RPS6KC1: variants seen among roughly 807,000 people sequenced by gnomAD.
The protein encoded by RPS6KC1 is inactive ribosomal protein S6 kinase delta-1.
In RPS6KC1, 54 loss-of-function variants were observed where a neutral mutation model predicts 103.8. That is an observed-to-expected ratio of 0.52 (90% CI 0.42 to 0.65). The LOEUF is 0.65. Ranked by LOEUF, RPS6KC1 falls within the 30% of genes least tolerant of loss-of-function variation. The pLI is 0.00. For synonymous variants in RPS6KC1, 439 were observed against 438.7 expected, an observed-to-expected ratio of 1.00 and a Z score of -0.01; for missense variants, 1,151 against 1,253.8, an observed-to-expected ratio of 0.92 and a Z score of 1.24.
the RPS6KC1 span, among the ~76,000 whole-genome samples, chr1:213,444,923 G>T: frequency 6.6e-6 from 1 of 152,068 alleles, no homozygotes; most frequent in Non-Finnish European, 1.5e-5. Flanking sequence ...TTTATTCACA[G>T]TTATGCATCC....
chr1:213,127,343 C>A (rs2085097741), intron 5 of RPS6KC1, among the ~76,000 whole-genome samples: 1 of 152,156 alleles, frequency 6.6e-6, no homozygotes, highest in Admixed American at 6.5e-5. Flanking sequence ...CTTATAAAAC[C>A]AATGCTAATT....
At position 213,132,945 on chromosome 1, in the gene RPS6KC1, T is replaced by C. The variant is rs551078101; in HGVS notation, c.835+3056T>C. On this transcript the variant is annotated intron_variant, in intron 6 of 14. Coordinates refer to ENST00000366960, the MANE Select transcript of RPS6KC1 (RefSeq NM_012424.6). ...TAGGTCTGATAAAGATGGCTTGATG[T>C]TTTTCTTATTTAACTGGTATTTGCA... Among the ~76,000 whole-genome samples, 3 of 152,318 alleles carry C rather than the reference T, an allele frequency of 2.0e-5. No individual in the cohort carries two copies. The East Asian group carries it at 5.8e-4, about 29-fold the overall frequency.
the RPS6KC1 span, among the ~76,000 whole-genome samples, chr1:213,281,940 ACT>A: frequency 6.6e-6 from 1 of 151,472 alleles, no homozygotes; most frequent in East Asian, 1.9e-4. Flanking sequence ...TTACCAAGAG[ACT>A]CTTCCACAGT....
the RPS6KC1 span, among the ~76,000 whole-genome samples, chr1:213,792,117 G>C: frequency 6.6e-6 from 1 of 151,884 alleles, no homozygotes; most frequent in Non-Finnish European, 1.5e-5. Context: ...CTTTCCTCCT[G>C]CTCTACCGCC....
At chr1:213,392,208 G>T in the RPS6KC1 span, among the ~76,000 whole-genome samples, 1 of 152,082 alleles carries the variant, frequency 6.6e-6, no homozygotes, top group Admixed American at 6.6e-5. Context: ...TTTATCAGCA[G>T]AACCGATGGT....
chr1:213,186,994 A>G (rs535296949), intron 8 of RPS6KC1, among the ~76,000 whole-genome samples: 3 of 152,024 alleles, frequency 2.0e-5, no homozygotes, highest in East Asian at 1.9e-4. Context: ...TTCATCCTCT[A>G]TTGCCTAGGA....
chr1:213,458,245 A>G, the RPS6KC1 span, among the ~76,000 whole-genome samples: 660 of 152,242 alleles, frequency 4.3e-3, 2 homozygotes, highest in African/African-American at 0.015. Flanking sequence ...GTGAGAACAT[A>G]TGGTATTTGG....
the RPS6KC1 span, among the ~76,000 whole-genome samples, chr1:213,363,031 T>A: frequency 6.6e-6 from 1 of 152,220 alleles, no homozygotes; most frequent in Non-Finnish European, 1.5e-5. Flanking sequence ...GTTCTGTTTC[T>A]CTGGGAAATC....
the RPS6KC1 span, among the ~76,000 whole-genome samples, chr1:213,836,886 C>A: frequency 1.3e-5 from 2 of 152,184 alleles, no homozygotes; most frequent in Non-Finnish European, 2.9e-5. Flanking sequence ...CAGTCACCAA[C>A]CCCAATCAGC....
At chr1:213,084,593 T>G (rs951180789) in intron 3 of RPS6KC1, among the ~76,000 whole-genome samples, 16 of 152,266 alleles carry the variant, frequency 1.1e-4, no homozygotes, top group African/African-American at 3.9e-4. Context: ...TACTTTGATA[T>G]AATCTACCAT....
At chr1:213,628,092 C>T in the RPS6KC1 span, among the ~76,000 whole-genome samples, 3 of 152,132 alleles carry the variant, frequency 2.0e-5, no homozygotes, top group East Asian at 5.8e-4. Flanking sequence ...TTATTGCCTC[C>T]ATTTCAGAGC....
At chr1:213,394,314 A>G in the RPS6KC1 span, among the ~76,000 whole-genome samples, 5 of 152,212 alleles carry the variant, frequency 3.3e-5, no homozygotes, top group Non-Finnish European at 5.9e-5. Context: ...TTTGCAAGCC[A>G]GGTATTAAAC....
the RPS6KC1 span, chr1:213,794,578 TA>T: frequency 2.0e-5 from 3 of 152,152 alleles, no homozygotes; most frequent in African/African-American, 7.2e-5. Context: ...AAAATTCCAT[TA>T]AAAAATCACT....
the RPS6KC1 span, among the ~76,000 whole-genome samples, chr1:213,635,276 G>A: frequency 3.3e-4 from 50 of 152,132 alleles, no homozygotes; most frequent in African/African-American, 7.0e-4. Context: ...ATTTTACGAC[G>A]CCAGCATTAT....
the RPS6KC1 span, among the ~76,000 whole-genome samples, chr1:213,746,377 C>T: frequency 1.3e-5 from 2 of 152,106 alleles, no homozygotes; most frequent in Admixed American, 1.3e-4. Context: ...AGCACAGCAG[C>T]CCTAAAGTGA....
the RPS6KC1 span, among the ~76,000 whole-genome samples, chr1:213,631,584 A>G: frequency 6.6e-6 from 1 of 152,168 alleles, no homozygotes; most frequent in South Asian, 2.1e-4. Context: ...AAAAATTATA[A>G]TCACTGGGCC....
chr1:213,787,114 G>A, the RPS6KC1 span, among the ~76,000 whole-genome samples: 1 of 151,808 alleles, frequency 6.6e-6, no homozygotes, highest in Non-Finnish European at 1.5e-5. Flanking sequence ...CAAGCTATTA[G>A]ATCTCTGCTG....
chr1:213,079,719 A>G (rs1372864084), intron 3 of RPS6KC1, among the ~76,000 whole-genome samples: 1 of 152,104 alleles, frequency 6.6e-6, no homozygotes, highest in East Asian at 1.9e-4. Context: ...CGCCTGGCAG[A>G]TAACTTTTAA....
the RPS6KC1 span, among the ~76,000 whole-genome samples, chr1:213,363,755 CTCTCTTCTT>C: frequency 1.2e-5 from 1 of 80,984 alleles, no homozygotes; most frequent in Non-Finnish European, 2.6e-5. Context: ...CTTTCTCTTT[CTCTCTTCTT>C]TCTTTCTTTC....
Sources: gnomAD v4.1 joint callset for allele counts (sites outside exome capture counted in the v4.1 genomes callset) on GRCh38, gnomAD v4.1.1 for gene constraint, MANE v1.5 for transcripts, NCBI Gene and HGNC (gene_info 2026-07-23, HGNC 2026-07-21) for gene names.